The following LEMD1 variants were observed in gnomAD, a reference collection of about 807,000 sequenced individuals.
LEMD1 encodes LEM domain-containing protein 1.
A neutral mutation model predicts 17.4 loss-of-function variants in LEMD1; 18 were observed. That is an observed-to-expected ratio of 1.04 (90% CI 0.72 to 1.54). LEMD1 has a LOEUF of 1.54. Among genes scored for constraint, LEMD1 ranks in the 40% most tolerant of loss-of-function variants. The pLI is 0.00. For missense variants in LEMD1, 195 were observed against 210.4 expected (o/e 0.93, Z 0.45); for synonymous variants, 88 against 77.8 (o/e 1.13, Z -0.69).
Position 205,395,192 on chromosome 1 carries a change from T to C in LEMD1, c.271-10828A>G, listed in dbSNP as rs192236279. Among the ~76,000 whole-genome samples the C allele has an allele frequency of 1.1e-3, 167 of 152,194 alleles. 2 individuals carry two copies. Among genetic ancestry groups the C allele is most frequent in the African/African-American group, 3.9e-3 (162 of 41,524 alleles). The stretch of plus-strand genomic sequence containing the variant: ...GGGCAAGGAAAAAAGATAGATAAAA[T>C]TGTAAAACACCGATGGAAAAATCTT... On this transcript the variant is annotated intron_variant, in intron 4 of 5. Transcript: ENST00000367153.
intron 2 of LEMD1, 121 bp from the exon 3 acceptor site, chr1:205,419,473 G>T: frequency 8.6e-7 from 1 of 1,166,694 alleles, no homozygotes; most frequent in Non-Finnish European, 1.2e-6. Flanking sequence ...GGTTAATTAT[G>T]GCTTTTATTT....
chr1:205,411,067 A>G (rs1665372013), intron 4 of LEMD1, among the ~76,000 whole-genome samples: 1 of 127,898 alleles, frequency 7.8e-6, no homozygotes, highest in Admixed American at 8.2e-5. Flanking sequence ...GGAGAGAGGG[A>G]AAGAAAGAAA....
At chr1:205,426,457 G>C (rs1283876404), upstream of LEMD1, among the ~76,000 whole-genome samples, 2 of 152,172 alleles carry the variant, frequency 1.3e-5, no homozygotes, top group African/African-American at 4.8e-5. Flanking sequence ...TGCCAAAGAA[G>C]GTCAGAAACA....
At chr1:205,386,126 C>T (rs1433207294) in intron 4 of LEMD1, 3 of 152,326 alleles carry the variant, frequency 2.0e-5, no homozygotes, top group African/African-American at 7.2e-5. Context: ...ATAGAGTGGA[C>T]CCCTCCAGTG....
chr1:205,410,240 C>A (rs1665325445), intron 4 of LEMD1, among the ~76,000 whole-genome samples: 1 of 152,098 alleles, frequency 6.6e-6, no homozygotes, highest in Non-Finnish European at 1.5e-5. Context: ...ATTTTTGATA[C>A]CCATATTCTT....
chr1:205,440,155 G>A (rs535242952), intron 1 of LEMD1, among the ~76,000 whole-genome samples: 10 of 152,328 alleles, frequency 6.6e-5, no homozygotes, highest in East Asian at 1.9e-4. Context: ...GTCTGGCCAC[G>A]GCAAGACAGT....
intron 1 of LEMD1, among the ~76,000 whole-genome samples, chr1:205,428,660 G>T (rs1036115582): frequency 1.3e-5 from 2 of 152,188 alleles, no homozygotes; most frequent in Non-Finnish European, 2.9e-5. Context: ...GGAGGACCAT[G>T]TGTGTGTTCG....
At chr1:205,447,804 C>T (rs747566066) in intron 1 of LEMD1, among the ~76,000 whole-genome samples, 2 of 152,142 alleles carry the variant, frequency 1.3e-5, no homozygotes, top group Non-Finnish European at 2.9e-5. Context: ...CCTCTTCCCT[C>T]GTGGCCGGCA....
chr1:205,414,497 T>C (rs1665602112), intron 4 of LEMD1, among the ~76,000 whole-genome samples: 1 of 151,748 alleles, frequency 6.6e-6, no homozygotes, highest in African/African-American at 2.4e-5. Flanking sequence ...TGATCATGGC[T>C]CACTGCAGCC....
chr1:205,381,629 C>G lies in LEMD1; in HGVS notation c.*29G>C. 6.2e-7 allele frequency: 1 copy of G among 1,608,286 alleles called. No individual in the cohort carries two copies. The highest frequency in any genetic ancestry group is 8.5e-7 in the Non-Finnish European group (1 of 1,174,586). ...TTCTTTCCTGAAGCAGGAGGCCTCG[C>G]TTGGAGCATTGCTTTGCTCCTAAAT... On this transcript the variant is annotated 3_prime_UTR_variant, in exon 6 of 6. Coordinates refer to ENST00000367153, the MANE Select transcript of LEMD1 (RefSeq NM_001199050.2).
At chr1:205,430,253 ACCAGCTCCCGTAGAAGCCC>A (rs945093823) in intron 1 of LEMD1, among the ~76,000 whole-genome samples, 1 of 152,206 alleles carries the variant, frequency 6.6e-6, no homozygotes, top group Non-Finnish European at 1.5e-5. Flanking sequence ...CCAAGCGCTG[ACCAGCTCCCGTAGAAGCCC>A]CCAGCTCCTT....
intron 4 of LEMD1, 104 bp from the exon 5 acceptor site, chr1:205,384,468 C>G (rs1663890567): frequency 1.6e-6 from 1 of 637,608 alleles, no homozygotes; most frequent in South Asian, 3.0e-5. Context: ...GCCAAAAGTT[C>G]TTGGCACATT....
chr1:205,449,342 T>C (rs908615082), intron 1 of LEMD1, among the ~76,000 whole-genome samples: 1 of 151,754 alleles, frequency 6.6e-6, no homozygotes, highest in Non-Finnish European at 1.5e-5. Flanking sequence ...CTAGGGCTCC[T>C]GCTAGCCCAG....
At chr1:205,445,460 T>C (rs1341645574) in intron 1 of LEMD1, among the ~76,000 whole-genome samples, 2 of 152,232 alleles carry the variant, frequency 1.3e-5, no homozygotes, top group African/African-American at 4.8e-5. Flanking sequence ...AGCTCTAGCC[T>C]CTGGCTCACC....
chr1:205,432,466 G>C (rs1223833559), intron 1 of LEMD1, among the ~76,000 whole-genome samples: 4 of 152,212 alleles, frequency 2.6e-5, no homozygotes, highest in African/African-American at 7.2e-5. Flanking sequence ...CTGCCCAGTG[G>C]TTGCTTCCTT....
chr1:205,431,110 C>T (rs1575003626), intron 1 of LEMD1, among the ~76,000 whole-genome samples: 1 of 152,152 alleles, frequency 6.6e-6, no homozygotes, highest in Admixed American at 6.5e-5. Flanking sequence ...GGTCACACGC[C>T]TTTTGGGGAT....
At chr1:205,404,088 C>A (rs1362811437) in intron 4 of LEMD1, among the ~76,000 whole-genome samples, 1 of 152,062 alleles carries the variant, frequency 6.6e-6, no homozygotes, top group Non-Finnish European at 1.5e-5. Context: ...AATTTCTGTT[C>A]TTTTACATTT....
At chr1:205,438,840 T>C (rs1223983188) in intron 1 of LEMD1, among the ~76,000 whole-genome samples, 1 of 152,188 alleles carries the variant, frequency 6.6e-6, no homozygotes, top group Non-Finnish European at 1.5e-5. Flanking sequence ...GGAAGCTCTC[T>C]GGATGGGCTC....
chr1:205,440,307 G>T (rs568639160), intron 1 of LEMD1, among the ~76,000 whole-genome samples: 1 of 152,298 alleles, frequency 6.6e-6, no homozygotes, highest in Non-Finnish European at 1.5e-5. Flanking sequence ...AGAACAGAGG[G>T]AGCCACGGAG....
Sources: gnomAD v4.1 joint callset for allele counts (sites outside exome capture counted in the v4.1 genomes callset) on GRCh38, gnomAD v4.1.1 for gene constraint, MANE v1.5 for transcripts, NCBI Gene and HGNC (gene_info 2026-07-23, HGNC 2026-07-21) for gene names.